SLC25A21: variants seen among roughly 807,000 people sequenced by gnomAD.
SLC25A21 encodes mitochondrial 2-oxodicarboxylate carrier.
Under a neutral mutation model 43.8 loss-of-function variants are expected in SLC25A21, and 47 were observed. The ratio of observed to expected loss-of-function variants is 1.07; its 90% CI spans 0.85 to 1.37. SLC25A21 has a LOEUF of 1.37. SLC25A21 is among the 40% of genes most tolerant of loss of function. The pLI is 0.00. For missense variants in SLC25A21, 352 were observed against 350.2 expected (o/e 1.00, Z -0.04); for synonymous variants, 131 against 121.3 (o/e 1.08, Z -0.52).
At chr14:37,045,122 T>C (rs140901291) in intron 1 of SLC25A21, among the ~76,000 whole-genome samples, 1 of 152,320 alleles carries the variant, frequency 6.6e-6, no homozygotes, top group East Asian at 1.9e-4. Flanking sequence ...AGATCTGCAA[T>C]GACCTCTTTC....
intron 1 of SLC25A21, among the ~76,000 whole-genome samples, chr14:36,924,086 A>G (rs1892061403): frequency 6.6e-6 from 1 of 152,108 alleles, no homozygotes; most frequent in Non-Finnish European, 1.5e-5. Flanking sequence ...TGGGATTGTA[A>G]ACTAGTTCAA....
At chr14:37,098,807 T>A (rs1361791361) in intron 1 of SLC25A21, among the ~76,000 whole-genome samples, 1 of 119,638 alleles carries the variant, frequency 8.4e-6, no homozygotes, top group Admixed American at 7.4e-5. Context: ...ATAGATAGAT[T>A]TTTTTTTTTT....
intron 1 of SLC25A21, among the ~76,000 whole-genome samples, chr14:37,074,675 T>C (rs936381422): frequency 3.3e-5 from 5 of 151,838 alleles, no homozygotes. Flanking sequence ...CTACTAAAAA[T>C]ACAAAAAGTT....
chr14:37,048,891 A>G (rs1961646046), intron 1 of SLC25A21, among the ~76,000 whole-genome samples: 1 of 152,186 alleles, frequency 6.6e-6, no homozygotes, highest in Non-Finnish European at 1.5e-5. Context: ...GTTTTGCCAA[A>G]GCAGGCTTAA....
intron 2 of SLC25A21, among the ~76,000 whole-genome samples, chr14:36,819,576 T>C (rs1027262759): frequency 2.0e-5 from 3 of 152,144 alleles, no homozygotes; most frequent in Non-Finnish European, 4.4e-5. Context: ...ATAAAATGGC[T>C]TTGCTGCCTT....
intron 1 of SLC25A21, among the ~76,000 whole-genome samples, chr14:36,996,015 C>T (rs1960364441): frequency 1.3e-5 from 2 of 152,118 alleles, no homozygotes; most frequent in Non-Finnish European, 1.5e-5. Context: ...CGACCAAAGC[C>T]AGCTAAAACT....
intron 7 of SLC25A21, 104 bp downstream of exon 7, chr14:36,711,214 T>C (rs1883844693): frequency 2.1e-6 from 2 of 967,764 alleles, no homozygotes; most frequent in Non-Finnish European, 1.5e-6. Flanking sequence ...ATAATAGATG[T>C]AGGTGTCCAG....
chr14:36,967,338 G>T (rs554685612), intron 1 of SLC25A21, among the ~76,000 whole-genome samples: 1 of 152,238 alleles, frequency 6.6e-6, no homozygotes, highest in East Asian at 1.9e-4. Context: ...GCCTCAGGAG[G>T]CCAGGGATCT....
chr14:36,984,354 T>G (rs903641456), intron 1 of SLC25A21, among the ~76,000 whole-genome samples: 4 of 152,154 alleles, frequency 2.6e-5, no homozygotes, highest in African/African-American at 9.7e-5. Context: ...TATGAAATAG[T>G]TTGCCCCCAA....
Position 36,714,844 on chromosome 14 carries a change from C to T in SLC25A21, c.439-3362G>A, listed in dbSNP as rs79288945. On this transcript the variant is annotated intron_variant, in intron 6 of 9. Coordinates refer to ENST00000331299, the MANE Select transcript of SLC25A21 (RefSeq NM_030631.4). ...AAGATTACAGAGTAAGTGGTAACAA[C>T]AGAGTTCCAACTGAGGTTCCTTGGA... Among the ~76,000 whole-genome samples the T allele has an allele frequency of 1.5e-3, 231 of 152,250 alleles. 4 individuals carry two copies. In the East Asian group the frequency reaches 0.037, roughly 25 times the overall value.
In SLC25A21 at chr14:36,898,779, C is replaced by G. The variant is rs561288217; in HGVS notation, c.71-23775G>C. On this transcript the variant is annotated intron_variant, in intron 1 of 9. Coordinates refer to ENST00000331299, the MANE Select transcript of SLC25A21 (RefSeq NM_030631.4). ...AGCTGCCAGTGGGTGTGGGGTGGTG[C>G]AGTGGCCAGGGAGATGTTGATCAAA... Among the ~76,000 whole-genome samples, 167 of 152,254 alleles carry G rather than the reference C, an allele frequency of 1.1e-3. 1 individual carries two copies. Among genetic ancestry groups the G allele is most frequent in the Admixed American group, 5.2e-3 (80 of 15,292 alleles).
chr14:36,884,878 G>C (rs2138573509), intron 1 of SLC25A21, among the ~76,000 whole-genome samples: 1 of 152,120 alleles, frequency 6.6e-6, no homozygotes, highest in East Asian at 1.9e-4. Flanking sequence ...TTAGTCCCTT[G>C]TCAGATGTGG....
chr14:36,875,584 C>T (rs1015026434), intron 1 of SLC25A21, among the ~76,000 whole-genome samples: 1 of 152,126 alleles, frequency 6.6e-6, no homozygotes, highest in Non-Finnish European at 1.5e-5. Context: ...CTAAGCAGTA[C>T]TTAGATTACC....
chr14:37,107,044 A>C (rs1962927454), intron 1 of SLC25A21, among the ~76,000 whole-genome samples: 1 of 152,220 alleles, frequency 6.6e-6, no homozygotes, highest in Admixed American at 6.5e-5. Context: ...TCAAAATTCA[A>C]AGTACACCAA....
At chr14:36,919,491 C>G (rs1415280060) in intron 1 of SLC25A21, among the ~76,000 whole-genome samples, 2 of 151,936 alleles carry the variant, frequency 1.3e-5, no homozygotes. Context: ...ATGGCACTTC[C>G]TACATTTAAA....
Position 36,684,911 on chromosome 14 carries a change from C to A in SLC25A21, c.618G>T (p.Glu206Asp), listed in dbSNP as rs1298871819. The change falls in exon 8 of 10, where the codon GAG becomes GAT. Residue 206 changes from glutamate (E) to aspartate (D), a missense_variant. Transcript: ENST00000331299. The stretch of plus-strand genomic sequence containing the variant: ...GACCAATCCCAAATTTTCTCCAAAA[C>A]TCCAAGATTGGATCCTAAAAGAAAA... ...MIPVNKDPIL[E>D]FWRKFGIGLL... 2 of 1,609,354 alleles carry A rather than the reference C, an allele frequency of 1.2e-6. No homozygotes were observed. Among genetic ancestry groups the A allele is most frequent in the Non-Finnish European group, 1.7e-6 (2 of 1,178,776 alleles).
chr14:36,741,784 C>T (rs1249127543), intron 3 of SLC25A21, among the ~76,000 whole-genome samples: 1 of 152,206 alleles, frequency 6.6e-6, no homozygotes, highest in East Asian at 1.9e-4. Flanking sequence ...AGCAATAATA[C>T]TCACCAGTGA....
intron 1 of SLC25A21, among the ~76,000 whole-genome samples, chr14:37,029,985 A>T (rs1253886777): frequency 6.6e-6 from 1 of 151,818 alleles, no homozygotes; most frequent in Non-Finnish European, 1.5e-5. Context: ...GGCTGGTCTC[A>T]AACTCCTGAC....
intron 2 of SLC25A21, among the ~76,000 whole-genome samples, chr14:36,863,378 C>T (rs1386653020): frequency 6.6e-6 from 1 of 152,128 alleles, no homozygotes; most frequent in Non-Finnish European, 1.5e-5. Context: ...TCTATACAAA[C>T]ACTAAATCTT....
Sources: allele counts gnomAD v4.1 joint callset (sites outside exome capture counted in the v4.1 genomes callset), GRCh38; gene constraint gnomAD v4.1.1; transcripts MANE v1.5; gene names NCBI Gene and HGNC (gene_info 2026-07-23, HGNC 2026-07-21).